The following CHRDL1 variants were observed in gnomAD, a reference collection of about 807,000 sequenced individuals.
CHRDL1 encodes chordin-like protein 1.
Under a neutral mutation model 40.9 loss-of-function variants are expected in CHRDL1, and 19 were observed. That is an observed-to-expected ratio of 0.46 (90% confidence interval 0.32 to 0.68). CHRDL1 has a LOEUF of 0.68. Ranked by LOEUF, CHRDL1 falls within the 30% of genes least tolerant of loss-of-function variation. The pLI is 0.03. For synonymous variants in CHRDL1, 136 were observed against 123.4 expected (o/e 1.10, Z -0.68); for missense variants, 329 against 352.1 (o/e 0.93, Z 0.53).
intron 2 of CHRDL1, among the ~76,000 whole-genome samples, chrX:110,784,268 C>T (rs935886374): frequency 8.9e-6 from 1 of 111,894 alleles, no homozygotes; most frequent in African/African-American, 3.3e-5. Flanking sequence ...GACTTTAAGA[C>T]TTCATTTCCA....
chrX:110,695,135 G>A (rs2070360944), intron 7 of CHRDL1, among the ~76,000 whole-genome samples: 1 of 110,772 alleles, frequency 9.0e-6, no homozygotes, highest in Non-Finnish European at 1.9e-5. Flanking sequence ...TGAGATTCGA[G>A]TATAGTCTTG....
chrX:110,767,334 T>C (rs2089678208), intron 2 of CHRDL1, among the ~76,000 whole-genome samples: 1 of 110,867 alleles, frequency 9.0e-6, no homozygotes, highest in African/African-American at 3.3e-5. Context: ...ATGGAAGTCC[T>C]AGCCAGAGCA....
At chrX:110,701,087 T>C (rs1336962083) in intron 6 of CHRDL1, among the ~76,000 whole-genome samples, 1 of 112,255 alleles carries the variant, frequency 8.9e-6, no homozygotes, top group Non-Finnish European at 1.9e-5. Context: ...TAAACTACCA[T>C]TAAAATAATG....
At chrX:110,743,681 A>G (rs923104862) in intron 4 of CHRDL1, among the ~76,000 whole-genome samples, 1 of 111,951 alleles carries the variant, frequency 8.9e-6, no homozygotes, top group African/African-American at 3.2e-5. Flanking sequence ...AAATTATCCA[A>G]TGTAATCCCA....
chrX:110,706,810 C>T (rs778859928), intron 6 of CHRDL1, among the ~76,000 whole-genome samples: 3 of 112,430 alleles, frequency 2.7e-5, no homozygotes, highest in Non-Finnish European at 5.6e-5. Flanking sequence ...AAGATTGCAG[C>T]TCTTGCTTTC....
At chrX:110,707,400 G>A (rs1208594275) in intron 6 of CHRDL1, among the ~76,000 whole-genome samples, 2 of 111,493 alleles carry the variant, frequency 1.8e-5, no homozygotes, top group Non-Finnish European at 3.8e-5. Context: ...TATACTACAA[G>A]GCTACAGTAA....
intron 5 of CHRDL1, among the ~76,000 whole-genome samples, chrX:110,720,812 AG>A (rs747463115): frequency 1.1e-4 from 12 of 111,709 alleles, no homozygotes; most frequent in Admixed American, 5.7e-4. Context: ...ACTGCATATT[AG>A]ATAAGATGTA....
intron 7 of CHRDL1, among the ~76,000 whole-genome samples, chrX:110,698,811 A>G (rs2070454334): frequency 8.9e-6 from 1 of 112,712 alleles, no homozygotes; most frequent in Non-Finnish European, 1.9e-5. Flanking sequence ...GGGGCCTCTC[A>G]GGGAATAAGT....
chrX:110,713,902 T>C (rs925740718), intron 6 of CHRDL1, among the ~76,000 whole-genome samples: 1 of 111,378 alleles, frequency 9.0e-6, no homozygotes, highest in African/African-American at 3.3e-5. Flanking sequence ...AGAGTCCAAG[T>C]ACATAGCCTT....
intron 10 of CHRDL1, among the ~76,000 whole-genome samples, chrX:110,680,265 G>C (rs1190694694): frequency 2.7e-5 from 3 of 111,902 alleles, no homozygotes; most frequent in Non-Finnish European, 5.6e-5. Flanking sequence ...CACTGCTGGG[G>C]AAACGCAACA....
chrX:110,755,835 G>A (rs890595351), intron 4 of CHRDL1, among the ~76,000 whole-genome samples: 1 of 111,816 alleles, frequency 8.9e-6, no homozygotes, highest in African/African-American at 3.3e-5. Context: ...AATAATCACT[G>A]GGGTGGAAGG....
chrX:110,770,595 G>A (rs946766877), intron 2 of CHRDL1, among the ~76,000 whole-genome samples: 5 of 111,084 alleles, frequency 4.5e-5, no homozygotes, highest in South Asian at 3.8e-4. Flanking sequence ...ATCAAAACTG[G>A]ATCTTTAGGA....
chrX:110,747,479 C>A lies in CHRDL1; in HGVS notation c.301+12182G>T, dbSNP rs112409393. Among the ~76,000 whole-genome samples, 838 of 108,627 alleles carry A rather than the reference C, an allele frequency of 7.7e-3. 4 individuals carry two copies. Among genetic ancestry groups the A allele is most frequent in the African/African-American group, 0.027 (794 of 29,466 alleles). 94.3% of individuals were successfully genotyped at this position (108,627 alleles called of 115,157 possible). A position where few individuals can be genotyped will look rare whatever the true frequency, so the allele number is the denominator to read the frequency against. On this transcript the variant is annotated intron_variant, in intron 4 of 11. Transcript: ENST00000372042. ...GACCAAAACAATGCAAACAAGTAGACAAATATAACAGTCCCCCAAATTGCC... is the reference window on the plus strand; with the variant it reads ...GACCAAAACAATGCAAACAAGTAGAAAAATATAACAGTCCCCCAAATTGCC...
chrX:110,766,590 A>G (rs1051274531), intron 2 of CHRDL1, among the ~76,000 whole-genome samples: 7 of 111,617 alleles, frequency 6.3e-5, no homozygotes, highest in African/African-American at 2.3e-4. Flanking sequence ...GGAAACCTAG[A>G]AGAGATGGAT....
chrX:110,785,483 G>T (rs971377435), intron 2 of CHRDL1, among the ~76,000 whole-genome samples: 2 of 111,508 alleles, frequency 1.8e-5, no homozygotes, highest in Middle Eastern at 4.2e-3. Flanking sequence ...CACAATTCGG[G>T]TGATGGCTAC....
At chrX:110,689,442 A>ATATATATCTATATATCTATATATATC (rs1569461464) in intron 8 of CHRDL1, among the ~76,000 whole-genome samples, 5 of 42,405 alleles carry the variant, frequency 1.2e-4, no homozygotes, top group East Asian at 3.6e-4. Flanking sequence ...CTATATATCT[A>ATATATATCTATATATCTATATATATC]TATATATCTA....
intron 2 of CHRDL1, among the ~76,000 whole-genome samples, chrX:110,777,612 G>A (rs1478859821): frequency 2.7e-5 from 3 of 111,638 alleles, no homozygotes; most frequent in Non-Finnish European, 5.7e-5. Context: ...ATATGATGTA[G>A]AGCATCTTTT....
intron 11 of CHRDL1, among the ~76,000 whole-genome samples, chrX:110,676,886 C>T (rs149187348): frequency 0.031 from 3,439 of 110,718 alleles, 138 homozygotes; most frequent in African/African-American, 0.11. Context: ...AACTTCTCGA[C>T]GTTGCTTTCT....
At chrX:110,732,568 C>G (rs923375576) in intron 4 of CHRDL1, among the ~76,000 whole-genome samples, 4 of 111,981 alleles carry the variant, frequency 3.6e-5, no homozygotes, top group African/African-American at 1.3e-4. Flanking sequence ...AGCTCTCCCC[C>G]TCCTCATCCG....
Sources: allele counts gnomAD v4.1 joint callset (sites outside exome capture counted in the v4.1 genomes callset), GRCh38; gene constraint gnomAD v4.1.1; transcripts MANE v1.5; gene names NCBI Gene and HGNC (gene_info 2026-07-23, HGNC 2026-07-21).